PRKN: variants seen among roughly 807,000 people sequenced by gnomAD.
PRKN encodes E3 ubiquitin-protein ligase parkin.
A neutral mutation model predicts 59.5 loss-of-function variants in PRKN; 56 were observed. That is an observed-to-expected ratio of 0.94 (90% confidence interval 0.76 to 1.18). PRKN has a LOEUF of 1.18. Among genes scored for constraint, PRKN ranks in the 50% most tolerant of loss-of-function variants. The pLI is 0.00. For synonymous variants in PRKN, 250 were observed against 222.1 expected (o/e 1.13, Z -1.12); for missense variants, 657 against 596.4 (o/e 1.10, Z -1.06).
At chr6:161,950,194 G>A (rs566429637) in intron 6 of PRKN, among the ~76,000 whole-genome samples, 14 of 152,280 alleles carry the variant, frequency 9.2e-5, no homozygotes, top group Middle Eastern at 3.4e-3. Context: ...GGACATCCCC[G>A]TGAAATGGCA....
chr6:162,035,983 T>C (rs1046400597), intron 5 of PRKN, among the ~76,000 whole-genome samples: 1 of 152,168 alleles, frequency 6.6e-6, no homozygotes, highest in Non-Finnish European at 1.5e-5. Flanking sequence ...TATCTCCAAG[T>C]GTAGAGAAGA....
At chr6:162,029,786 A>G (rs1229957899) in intron 5 of PRKN, among the ~76,000 whole-genome samples, 1 of 152,234 alleles carries the variant, frequency 6.6e-6, no homozygotes, top group Non-Finnish European at 1.5e-5. Flanking sequence ...AGTATACACC[A>G]TAATATAAAA....
In PRKN at chr6:162,378,122, T is replaced by C. The variant is rs141580711; in HGVS notation, c.171+65188A>G. Among the ~76,000 whole-genome samples the C allele has an allele frequency of 1.9e-3, 293 of 152,282 alleles. 1 individual carries two copies. Among genetic ancestry groups the C allele is most frequent in the African/African-American group, 6.7e-3 (278 of 41,542 alleles). On this transcript the variant is annotated intron_variant, in intron 2 of 11. Transcript: ENST00000366898. ...AGGTTTACAAATGTAAGGTAAGAGATAAAGAAAGACCATCTATCTGGAGTT... is the reference window on the plus strand; with the variant it reads ...AGGTTTACAAATGTAAGGTAAGAGACAAAGAAAGACCATCTATCTGGAGTT...
chr6:162,505,067 G>A (rs1427212413), intron 1 of PRKN, among the ~76,000 whole-genome samples: 1 of 152,158 alleles, frequency 6.6e-6, no homozygotes, highest in African/African-American at 2.4e-5. Flanking sequence ...GCAGAGCAAT[G>A]AGCACTTCCA....
At chr6:162,061,592 G>C (rs1778107466) in intron 4 of PRKN, among the ~76,000 whole-genome samples, 1 of 152,090 alleles carries the variant, frequency 6.6e-6, no homozygotes, top group Non-Finnish European at 1.5e-5. Flanking sequence ...CACTGACACT[G>C]TTCTGAGCAT....
At chr6:161,759,705 C>T (rs546792556) in intron 7 of PRKN, among the ~76,000 whole-genome samples, 13 of 152,294 alleles carry the variant, frequency 8.5e-5, no homozygotes, top group South Asian at 2.1e-4. Flanking sequence ...GATCCTTCCA[C>T]GCAGTTTTCC....
intron 5 of PRKN, among the ~76,000 whole-genome samples, chr6:162,000,995 A>T (rs1782032817): frequency 1.3e-5 from 2 of 151,734 alleles, no homozygotes; most frequent in Admixed American, 1.3e-4. Flanking sequence ...TGTTCCATTG[A>T]TCGATTTGTC....
At chr6:162,509,134 G>A (rs535011906) in intron 1 of PRKN, among the ~76,000 whole-genome samples, 1 of 152,158 alleles carries the variant, frequency 6.6e-6, no homozygotes, top group Non-Finnish European at 1.5e-5. Context: ...TAACCCAGCA[G>A]CTTTAATGTC....
At chr6:161,606,868 C>T (rs1223230749) in intron 7 of PRKN, among the ~76,000 whole-genome samples, 1 of 152,208 alleles carries the variant, frequency 6.6e-6, no homozygotes, top group African/African-American at 2.4e-5. Context: ...TGGCAACTTT[C>T]CCTGCTTCCC....
intron 4 of PRKN, among the ~76,000 whole-genome samples, chr6:162,126,135 A>T (rs1781116146): frequency 6.6e-6 from 1 of 152,200 alleles, no homozygotes; most frequent in South Asian, 2.1e-4. Context: ...GTGAAAAAGC[A>T]CAGTGGGAGA....
chr6:161,540,941 C>T (rs1361727481), intron 9 of PRKN, among the ~76,000 whole-genome samples: 5 of 152,200 alleles, frequency 3.3e-5, no homozygotes, highest in African/African-American at 4.8e-5. Flanking sequence ...TTGCATGACC[C>T]GTACTCTGGA....
At chr6:162,631,774 T>A (rs1344908978) in intron 1 of PRKN, among the ~76,000 whole-genome samples, 1 of 152,132 alleles carries the variant, frequency 6.6e-6, no homozygotes, top group Non-Finnish European at 1.5e-5. Flanking sequence ...AGAGCCAATG[T>A]TGACTAGAGT....
chr6:162,321,529 TC>T (rs1273852427), intron 2 of PRKN, among the ~76,000 whole-genome samples: 2 of 151,912 alleles, frequency 1.3e-5, no homozygotes, highest in Non-Finnish European at 2.9e-5. Flanking sequence ...TTATTTTTTT[TC>T]AGCCATTATT....
intron 1 of PRKN, among the ~76,000 whole-genome samples, chr6:162,600,709 TG>T (rs1233947660): frequency 8.5e-5 from 13 of 152,138 alleles, no homozygotes; most frequent in African/African-American, 1.2e-4. Flanking sequence ...CTCATGACAG[TG>T]AGTGAGTTAT....
intron 1 of PRKN, among the ~76,000 whole-genome samples, chr6:162,628,019 T>C (rs1261207742): frequency 6.6e-6 from 1 of 152,078 alleles, no homozygotes; most frequent in African/African-American, 2.4e-5. Flanking sequence ...TAGGACACAA[T>C]GTCATGAGGT....
At chr6:162,101,018 C>T (rs1196957350) in intron 4 of PRKN, among the ~76,000 whole-genome samples, 1 of 152,024 alleles carries the variant, frequency 6.6e-6, no homozygotes, top group Non-Finnish European at 1.5e-5. Flanking sequence ...ATATTTTCTG[C>T]CATTTCATAG....
chr6:162,318,550 C>T lies in PRKN; in HGVS notation c.172-55785G>A, dbSNP rs566329424. On this transcript the variant is annotated intron_variant, in intron 2 of 11. Transcript: ENST00000366898. ...GGAACCACCATACTGATTTCCACAG[C>T]GGTTGCACCAGCAAAGTACAAGAAT... Among the ~76,000 whole-genome samples, 11 of 152,174 alleles carry T rather than the reference C, an allele frequency of 7.2e-5. 1 individual carries two copies. Among genetic ancestry groups the T allele is most frequent in the East Asian group, 5.9e-4 (3 of 5,120 alleles).
chr6:161,571,407 T>C (rs548273920), intron 7 of PRKN, among the ~76,000 whole-genome samples: 61 of 152,296 alleles, frequency 4.0e-4, no homozygotes, highest in African/African-American at 1.2e-3. Flanking sequence ...TTCCTCAGCA[T>C]TGTGATGTGA....
intron 6 of PRKN, among the ~76,000 whole-genome samples, chr6:161,917,038 G>A (rs1562388868): frequency 6.6e-6 from 1 of 151,956 alleles, no homozygotes; most frequent in Non-Finnish European, 1.5e-5. Context: ...TCCTGACCTC[G>A]TGATCCGTCT....
Sources: allele counts gnomAD v4.1 joint callset (sites outside exome capture counted in the v4.1 genomes callset), GRCh38; gene constraint gnomAD v4.1.1; transcripts MANE v1.5; gene names NCBI Gene and HGNC (gene_info 2026-07-23, HGNC 2026-07-21).